The following STAB2 variants were observed in gnomAD, a reference collection of about 807,000 sequenced individuals.
The protein encoded by STAB2 is stabilin-2.
A neutral mutation model predicts 338.1 loss-of-function variants in STAB2; 288 were observed. That is an observed-to-expected ratio of 0.85 (90% CI 0.77 to 0.94). STAB2 has a LOEUF of 0.94. Ranked by LOEUF, STAB2 falls within the 40% of genes least tolerant of loss-of-function variation. The pLI is 0.00. For missense variants in STAB2, 3,141 were observed against 3,210.1 expected, an observed-to-expected ratio of 0.98 and a Z score of 0.52; for synonymous variants, 1,202 against 1,193.3, an observed-to-expected ratio of 1.01 and a Z score of -0.15.
chr12:103,697,997 G>T (rs1273884070), intron 33 of STAB2, among the ~76,000 whole-genome samples: 1 of 152,154 alleles, frequency 6.6e-6, no homozygotes, highest in Non-Finnish European at 1.5e-5. Context: ...GAGCGGAGAG[G>T]GCAGGATTAA....
chr12:103,674,139 G>C (rs2138831049), intron 23 of STAB2, 52 bp downstream of exon 23: 7 of 1,560,860 alleles, frequency 4.5e-6, no homozygotes, highest in Non-Finnish European at 6.1e-6. Flanking sequence ...TAAGTGTAAG[G>C]GGATGGCACT....
intron 43 of STAB2, among the ~76,000 whole-genome samples, chr12:103,717,348 C>A (rs557629752): frequency 6.6e-6 from 1 of 152,296 alleles, no homozygotes; most frequent in East Asian, 1.9e-4. Flanking sequence ...CTCTCCTTAG[C>A]ATCTCCTAGC....
chr12:103,653,509 G>T (rs1047937444), intron 12 of STAB2, among the ~76,000 whole-genome samples: 5 of 152,140 alleles, frequency 3.3e-5, no homozygotes, highest in Admixed American at 6.6e-5. Flanking sequence ...CTGCTGCAGT[G>T]CATGTGTGAA....
At chr12:103,707,101 T>TTG in intron 38 of STAB2, 114 bp downstream of exon 38, 2 of 1,151,832 alleles carry the variant, frequency 1.7e-6, no homozygotes, top group Non-Finnish European at 2.4e-6. Flanking sequence ...CCAAGTGGGC[T>TTG]GGAATCCCAC....
At chr12:103,660,908 C>A in intron 17 of STAB2, 145 bp downstream of exon 17, 2 of 889,874 alleles carry the variant, frequency 2.2e-6, no homozygotes, top group Non-Finnish European at 3.5e-6. Context: ...CTTCTCTCAG[C>A]AGATATGTGC....
At chr12:103,705,843 G>GT (rs1362288593) in intron 37 of STAB2, 116 bp downstream of exon 37, 1 of 910,366 alleles carries the variant, frequency 1.1e-6, no homozygotes, top group African/African-American at 1.6e-5. Context: ...CCTCTTCCTT[G>GT]TTACCTGCAT....
intron 47 of STAB2, 46 bp from the exon 48 acceptor site, chr12:103,728,803 A>G: frequency 6.2e-7 from 1 of 1,609,078 alleles, no homozygotes; most frequent in Non-Finnish European, 8.5e-7. Flanking sequence ...ACATTGCAGC[A>G]AAAGACTCCT....
At chr12:103,636,700 G>T (rs964947135) in intron 6 of STAB2, among the ~76,000 whole-genome samples, 1 of 152,056 alleles carries the variant, frequency 6.6e-6, no homozygotes, top group Non-Finnish European at 1.5e-5. Context: ...AGCCCAACTT[G>T]TTCACTTTGC....
chr12:103,628,484 C>A (rs1593158834), intron 5 of STAB2, among the ~76,000 whole-genome samples: 1 of 152,342 alleles, frequency 6.6e-6, no homozygotes, highest in Non-Finnish European at 1.5e-5. Flanking sequence ...TGGCTTAAAA[C>A]AACAGCAACT....
At chr12:103,658,056 AG>A (rs1874322549) in intron 15 of STAB2, 1 of 152,226 alleles carries the variant, frequency 6.6e-6, no homozygotes, top group Non-Finnish European at 1.5e-5. Flanking sequence ...TCTGATTACA[AG>A]CCCCAGTTCA....
intron 39 of STAB2, 122 bp downstream of exon 39, chr12:103,708,658 T>A: frequency 1.1e-6 from 1 of 893,232 alleles, no homozygotes; most frequent in East Asian, 2.6e-5. Flanking sequence ...AACATGATTC[T>A]TTCTTGCAGC....
At chr12:103,722,021 G>T (rs1285058242) in intron 44 of STAB2, among the ~76,000 whole-genome samples, 1 of 152,212 alleles carries the variant, frequency 6.6e-6, no homozygotes, top group East Asian at 1.9e-4. Context: ...AGTTTGAGTT[G>T]CTTGGTAGCC....
chr12:103,710,577 G>T lies in STAB2; in HGVS notation c.4289-894G>T, dbSNP rs61067168. On this transcript the variant is annotated intron_variant, in intron 39 of 68. Transcript: ENST00000388887. ...ACCAATTAATTGAAGTTGGCTCAAAGGTTTAGAGCAGGTTCCAGAGAAAAG... is the reference window on the plus strand; with the variant it reads ...ACCAATTAATTGAAGTTGGCTCAAATGTTTAGAGCAGGTTCCAGAGAAAAG... 8.6e-3 allele frequency among the ~76,000 whole-genome samples: 1,313 copies of T among 152,304 alleles called. 25 individuals are homozygous for T. Among genetic ancestry groups the T allele is most frequent in the African/African-American group, 0.03 (1,241 of 41,546 alleles).
chr12:103,606,327 G>C (rs1957026918), intron 3 of STAB2, among the ~76,000 whole-genome samples: 1 of 152,020 alleles, frequency 6.6e-6, no homozygotes, highest in African/African-American at 2.4e-5. Flanking sequence ...TATATTAGAA[G>C]CCCCACATTA....
At chr12:103,764,480 C>T (rs1884771927) in intron 68 of STAB2, among the ~76,000 whole-genome samples, 1 of 152,112 alleles carries the variant, frequency 6.6e-6, no homozygotes, top group African/African-American at 2.4e-5. Context: ...CCAGGGGGAC[C>T]CCTTGGCAGG....
chr12:103,703,850 C>A (rs1292297916), intron 35 of STAB2, among the ~76,000 whole-genome samples: 1 of 152,230 alleles, frequency 6.6e-6, no homozygotes, highest in East Asian at 1.9e-4. Flanking sequence ...AAACATTTTA[C>A]ATGCACTAAC....
chr12:103,735,457 T>A (rs748634942), intron 51 of STAB2, 34 bp from the exon 52 acceptor site: 1 of 1,531,658 alleles, frequency 6.5e-7, no homozygotes, highest in Admixed American at 2.1e-5. Flanking sequence ...CGGCCCAAAT[T>A]TGGGGCAGTC....
intron 3 of STAB2, among the ~76,000 whole-genome samples, chr12:103,618,779 A>G (rs1442290940): frequency 1.3e-5 from 2 of 152,162 alleles, no homozygotes; most frequent in Non-Finnish European, 2.9e-5. Context: ...TGTGAGTTGT[A>G]AACAAATGCA....
intron 1 of STAB2, among the ~76,000 whole-genome samples, chr12:103,590,098 T>G (rs971370813): frequency 6.6e-6 from 1 of 152,262 alleles, no homozygotes; most frequent in Admixed American, 6.5e-5. Flanking sequence ...GAGGCATCTC[T>G]CGGGGAGGAT....
Sources: allele counts gnomAD v4.1 joint callset (sites outside exome capture counted in the v4.1 genomes callset), GRCh38; gene constraint gnomAD v4.1.1; transcripts MANE v1.5; gene names NCBI Gene and HGNC (gene_info 2026-07-23, HGNC 2026-07-21).